Variants in GREB1 observed in about 807,000 individuals in gnomAD.
The protein encoded by GREB1 is growth regulating estrogen receptor binding 1, also known as protein GREB1.
In GREB1, 106 loss-of-function variants were observed where a neutral mutation model predicts 200.7. That is an observed-to-expected ratio of 0.53 (90% confidence interval 0.45 to 0.62). The LOEUF is 0.62. Among genes scored for constraint, GREB1 ranks in the 20% least tolerant of loss-of-function variants. The pLI, the probability that GREB1 is intolerant of heterozygous loss-of-function variation, is 0.00. For synonymous variants in GREB1, 1,132 were observed against 1,092.4 expected, an observed-to-expected ratio of 1.04 and a Z score of -0.72; for missense variants, 2,243 against 2,556.8, an observed-to-expected ratio of 0.88 and a Z score of 2.65.
intron 3 of GREB1, among the ~76,000 whole-genome samples, chr2:11,563,590 C>A (rs976388437): frequency 6.6e-6 from 1 of 152,222 alleles, no homozygotes; most frequent in East Asian, 1.9e-4. Context: ...ACAACTGGAA[C>A]GTGCAGGCCA....
chr2:11,537,138 T>A (rs1267522495), intron 1 of GREB1, among the ~76,000 whole-genome samples: 1 of 152,082 alleles, frequency 6.6e-6, no homozygotes, highest in African/African-American at 2.4e-5. Context: ...GATTTTTGCA[T>A]TTTTTAGTAG....
chr2:11,509,020 G>A (rs995939951), intron 1 of GREB1, among the ~76,000 whole-genome samples: 10 of 151,686 alleles, frequency 6.6e-5, no homozygotes, highest in African/African-American at 1.9e-4. Flanking sequence ...GACTACAGGC[G>A]CCCGCCACCA....
In GREB1 at chr2:11,507,821, G is replaced by A. The variant is rs1363902849; in HGVS notation, c.-159+25440G>A. 3.9e-5 allele frequency among the ~76,000 whole-genome samples: 6 copies of A among 152,308 alleles called. No homozygotes were observed. The East Asian group carries it at 1.2e-3, about 29-fold the overall frequency. ...TGGAGTCCTGAGACCACAGGACTCAGGGAAGCTGTTGCTGCTGTCACCACA... is the reference window on the plus strand; with the variant it reads ...TGGAGTCCTGAGACCACAGGACTCAAGGAAGCTGTTGCTGCTGTCACCACA... On this transcript the variant is annotated intron_variant, in intron 1 of 2. Transcript: ENST00000628795.
intron 1 of GREB1, among the ~76,000 whole-genome samples, chr2:11,544,925 G>T (rs1675121923): frequency 6.6e-6 from 1 of 151,930 alleles, no homozygotes; most frequent in African/African-American, 2.4e-5. Flanking sequence ...AACGATTCTT[G>T]TGCCTCAGCC....
intron 1 of GREB1, among the ~76,000 whole-genome samples, chr2:11,520,259 G>T: frequency 6.6e-6 from 1 of 152,212 alleles, no homozygotes. Flanking sequence ...TAGAGTATTA[G>T]CTTCCTATTG....
At chr2:11,557,488 T>C (rs1372036035) in intron 2 of GREB1, among the ~76,000 whole-genome samples, 1 of 152,178 alleles carries the variant, frequency 6.6e-6, no homozygotes, top group Non-Finnish European at 1.5e-5. Flanking sequence ...ATTAATAAAC[T>C]AGAATTAACG....
chr2:11,638,827 A>C lies in GREB1; in HGVS notation c.5686+18A>C, dbSNP rs1417269588. ...TCTGAAAGGTAACTTTTGTACTCTT[A>C]ACTCTGCACCTTGTCTTCAATGGCT... On this transcript the variant is annotated intron_variant, in intron 32 of 32. Transcript: ENST00000381486. The C allele has an allele frequency of 6.2e-7, 1 of 1,612,358 alleles. No homozygotes were observed. Among genetic ancestry groups the C allele is most frequent in the Non-Finnish European group, 8.5e-7 (1 of 1,179,304 alleles).
rs566539374 is a variant in GREB1 at position 11,618,775 on chromosome 2, C to T, written c.3900C>T (p.Ser1300=). ...CCAGCTCTTTCCGCCCCCTGCTCAG[C>T]AAGACCATGACATCCACCGAGCAGT... ...MWASSFRPLL[S]KTMTSTEQSL... Residue 1300 remains serine (S), a synonymous_variant, in exon 22 of 33, where the codon AGC becomes AGT. Coordinates refer to ENST00000381486, the MANE Select transcript of GREB1 (RefSeq NM_014668.4). The T allele has an allele frequency of 2.2e-5, 36 of 1,612,556 alleles. No individual in the cohort carries two copies. Among genetic ancestry groups the T allele is most frequent in the Middle Eastern group, 1.6e-4 (1 of 6,062 alleles).
chr2:11,633,897 AGTT>A lies in GREB1; in HGVS notation c.4992-228_4992-226del, dbSNP rs1685092555. ...TCTGCGATTAATACCTATGCCATGG[AGTT>A]GTTGTGAGAATTGACTAAATTATGG... On this transcript the variant is annotated intron_variant, in intron 28 of 32. Transcript: ENST00000381486. This position sits in a 1 kb window ranked among gnomAD's most constrained non-coding sequence, Gnocchi z 4.1. Among the ~76,000 whole-genome samples the A allele has an allele frequency of 6.6e-6, 1 of 152,072 alleles. No individual in the cohort carries two copies. The highest frequency in any genetic ancestry group is 2.1e-4 in the South Asian group (1 of 4,816).
Position 11,599,665 on chromosome 2 carries a change from C to T in GREB1, c.2333+805C>T, listed in dbSNP as rs532589812. On this transcript the variant is annotated intron_variant, in intron 15 of 32. Transcript: ENST00000381486. ...CCTCCTGAGTAGCTGGGACTACAGG[C>T]GCCTGCCACCACACCTGGCTAATTT... is the stretch of plus-strand genomic sequence containing the variant. Among the ~76,000 whole-genome samples, 333 of 152,002 alleles carry T rather than the reference C, an allele frequency of 2.2e-3. 2 individuals carry two copies. Among genetic ancestry groups the T allele is most frequent in the African/African-American group, 7.7e-3 (321 of 41,484 alleles).
intron 8 of GREB1, 43 bp downstream of exon 8, chr2:11,585,317 T>C (rs1679964206): frequency 8.2e-7 from 1 of 1,220,538 alleles, no homozygotes; most frequent in African/African-American, 1.5e-5. Flanking sequence ...ACTTGGGTAC[T>C]GGTGGTAGTG....
intron 1 of GREB1, among the ~76,000 whole-genome samples, chr2:11,554,134 C>A (rs996804119): frequency 1.3e-5 from 2 of 152,130 alleles, no homozygotes; most frequent in African/African-American, 4.8e-5. Flanking sequence ...CAAGAGGACC[C>A]TGCAACCTCT....
intron 1 of GREB1, among the ~76,000 whole-genome samples, chr2:11,497,772 TC>T (rs1169053982): frequency 6.6e-6 from 1 of 152,140 alleles, no homozygotes; most frequent in African/African-American, 2.4e-5. Context: ...TATATCCTCT[TC>T]AGTAAAACAT....
At chr2:11,574,357 G>C (rs1329491320) in intron 4 of GREB1, among the ~76,000 whole-genome samples, 6 of 152,222 alleles carry the variant, frequency 3.9e-5, no homozygotes, top group African/African-American at 1.4e-4. Context: ...TACAGGAAGA[G>C]TCTGGAAGAA....
intron 19 of GREB1, among the ~76,000 whole-genome samples, chr2:11,614,550 T>TTTG (rs201660973): frequency 9.9e-5 from 15 of 151,748 alleles, no homozygotes; most frequent in Middle Eastern, 3.4e-3. Flanking sequence ...GCCCCCCCTT[T>TTTG]TTGTTGTTGT....
rs981667503 is a variant in GREB1 at position 11,631,932 on chromosome 2, G to A, written c.4635G>A (p.Pro1545=). The change falls in exon 27 of 33, where the codon CCG becomes CCA. Residue 1545 remains proline, a synonymous_variant. Transcript: ENST00000381486. ...AGAGCCATGAATATATAAAAAGTCC[G>A]ACATTCACTCCAACCACCGGCCGTC... The part of the protein sequence containing the change: ...TDKSHEYIKS[P]TFTPTTGRHE... The A allele has an allele frequency of 5.0e-6, 8 of 1,613,628 alleles. No homozygotes were observed. The highest frequency in any genetic ancestry group is 1.7e-4 in the Middle Eastern group (1 of 6,026).
intron 3 of GREB1, among the ~76,000 whole-genome samples, chr2:11,564,038 TG>T (rs1677366731): frequency 6.6e-6 from 1 of 151,938 alleles, no homozygotes; most frequent in Non-Finnish European, 1.5e-5. Flanking sequence ...CAGGAGACTG[TG>T]GAGGGGTTGG....
chr2:11,543,545 C>T (rs1674958881), intron 1 of GREB1, among the ~76,000 whole-genome samples: 1 of 152,190 alleles, frequency 6.6e-6, no homozygotes, highest in Admixed American at 6.5e-5. Flanking sequence ...TTGAAAGCAG[C>T]ATAACCATGA....
chr2:11,537,466 G>A (rs1229677946), intron 1 of GREB1, among the ~76,000 whole-genome samples: 10 of 151,714 alleles, frequency 6.6e-5, no homozygotes, highest in South Asian at 2.1e-4. Context: ...TTTCAGTTGG[G>A]GAAACTGAGG....
Sources: allele counts gnomAD v4.1 joint callset (sites outside exome capture counted in the v4.1 genomes callset), GRCh38; gene constraint gnomAD v4.1.1; non-coding constraint Gnocchi (gnomAD v3.1); transcripts MANE v1.5; gene names NCBI Gene and HGNC (gene_info 2026-07-23, HGNC 2026-07-21).